The following CERS3 variants were observed in gnomAD, a reference collection of about 807,000 sequenced individuals.
CERS3 encodes the protein ceramide synthase 3, also known as LAG1 homolog, ceramide synthase 3.
CERS3 carries 33 observed loss-of-function variants against 50.3 expected under a neutral mutation model. The ratio of observed to expected loss-of-function variants is 0.66; its 90% confidence interval spans 0.50 to 0.88. The LOEUF (loss-of-function observed/expected upper bound fraction) is 0.88. CERS3 is among the 40% of genes least tolerant of loss of function. The probability of loss-of-function intolerance (pLI) is 0.00; values close to 1 mark genes in which losing one functional copy is unlikely to be tolerated. For synonymous variants in CERS3, 176 were observed against 155.2 expected (o/e 1.13, Z -0.99); for missense variants, 470 against 460.3 (o/e 1.02, Z -0.19).
intron 5 of CERS3, among the ~76,000 whole-genome samples, chr15:100,480,567 C>T (rs2035266548): frequency 6.6e-6 from 1 of 152,062 alleles, no homozygotes; most frequent in South Asian, 2.1e-4. Flanking sequence ...AACCTGTAGA[C>T]TAAGAGACTG....
rs773142503 is a variant in CERS3 at position 100,509,462 on chromosome 15, A to G, written c.-1-7612T>C. Among the ~76,000 whole-genome samples, 33 of 152,368 alleles carry G rather than the reference A, an allele frequency of 2.2e-4. No individual in the cohort carries two copies. The Middle Eastern group carries it at 0.01, about 47-fold the overall frequency. Reference sequence around the variant, plus strand: ...ACATATCTCTCAGATAGAGGAGAGCAACAAGAAACTATCTCTACAGAACAG... The same window carrying G: ...ACATATCTCTCAGATAGAGGAGAGCGACAAGAAACTATCTCTACAGAACAG... On this transcript the variant is annotated intron_variant, in intron 2 of 11. Transcript: ENST00000679737.
chr15:100,479,203 A>AAATTT, intron 7 of CERS3, among the ~76,000 whole-genome samples: 1 of 152,284 alleles, frequency 6.6e-6, no homozygotes, highest in African/African-American at 2.4e-5. Flanking sequence ...AATAAATAGT[A>AAATTT]AGATGGTAGA....
chr15:100,431,931 C>T (rs914985431), intron 11 of CERS3, among the ~76,000 whole-genome samples: 2 of 152,160 alleles, frequency 1.3e-5, no homozygotes, highest in African/African-American at 2.4e-5. Context: ...ATCTTCTTTA[C>T]GGTGTGAGTA....
chr15:100,500,448 G>A (rs2035962564), intron 3 of CERS3: 1 of 152,184 alleles, frequency 6.6e-6, no homozygotes, highest in African/African-American at 2.4e-5. Context: ...GATGTTTCTG[G>A]CTCACAGTCC....
At chr15:100,506,364 G>A (rs999152822) in intron 2 of CERS3, among the ~76,000 whole-genome samples, 3 of 151,958 alleles carry the variant, frequency 2.0e-5, no homozygotes, top group Non-Finnish European at 2.9e-5. Flanking sequence ...TCAGCCATGA[G>A]AGAAATGGAA....
intron 10 of CERS3, among the ~76,000 whole-genome samples, chr15:100,465,259 C>T (rs2034675844): frequency 6.6e-6 from 1 of 152,054 alleles, no homozygotes; most frequent in Non-Finnish European, 1.5e-5. Context: ...TCCAATGATA[C>T]CTATGATCTG....
At chr15:100,519,175 C>G (rs139237145) in intron 2 of CERS3, among the ~76,000 whole-genome samples, 40 of 151,148 alleles carry the variant, frequency 2.6e-4, no homozygotes, top group Non-Finnish European at 5.0e-4. Flanking sequence ...AAAAAAAATC[C>G]GCCAAAAAAT....
chr15:100,451,693 C>T (rs2034176863), intron 11 of CERS3, among the ~76,000 whole-genome samples: 1 of 149,130 alleles, frequency 6.7e-6, no homozygotes, highest in Admixed American at 6.7e-5. Flanking sequence ...GGTGACAGAG[C>T]AAGACTCTGT....
chr15:100,417,916 C>A (rs573440355), intron 11 of CERS3, among the ~76,000 whole-genome samples: 5 of 152,054 alleles, frequency 3.3e-5, no homozygotes, highest in South Asian at 4.2e-4. Flanking sequence ...ACATCCACAC[C>A]GAAAACCCAT....
rs574486967 is a variant in CERS3, at chr15:100,400,673, A to C, written c.*2040T>G. 1 of 152,350 alleles carries C rather than the reference A, an allele frequency of 6.6e-6. No homozygotes were observed. The highest frequency in any genetic ancestry group is 2.4e-5 in the African/African-American group (1 of 41,580). The allele number at this position is 152,350 out of a possible 1,614,324, so 9.4% of individuals were successfully genotyped here. A position where few individuals can be genotyped will look rare whatever the true frequency, so the allele number is the denominator to read the frequency against. Reference sequence around the variant, plus strand: ...TCAAATAAGAAAAAAAACTGGAGATAGAGGTAAACAAATACTTTTCTACCT... The same window carrying C: ...TCAAATAAGAAAAAAAACTGGAGATCGAGGTAAACAAATACTTTTCTACCT... On this transcript the variant is annotated 3_prime_UTR_variant, in exon 12 of 12. Transcript: ENST00000679737.
In CERS3 at chr15:100,479,572, T is replaced by C. The variant is rs899426791; in HGVS notation, c.466-94A>G. 5 of 882,010 alleles carry C rather than the reference T, an allele frequency of 5.7e-6. No individual in the cohort carries two copies. In the Admixed American group the frequency reaches 9.6e-5, roughly 17 times the overall value. The allele number at this position is 882,010 out of a possible 1,614,324, so 54.6% of individuals were successfully genotyped here. On this transcript the variant is annotated intron_variant, in intron 6 of 11. Coordinates refer to ENST00000679737, the MANE Select transcript of CERS3 (RefSeq NM_001378789.1). The stretch of plus-strand genomic sequence containing the variant: ...GGCAGAAAACCTAAGCTCTTCCTTA[T>C]GTCATTTACAGCAGGCAAAGATGCA...
At chr15:100,501,932 C>T (rs2036016616) in intron 2 of CERS3, 82 bp from the exon 3 acceptor site, 5 of 1,419,644 alleles carry the variant, frequency 3.5e-6, no homozygotes, top group Non-Finnish European at 4.9e-6. Flanking sequence ...GCTCAAAATG[C>T]CAGATCCAGA....
At chr15:100,422,705 A>G (rs2032528967) in intron 11 of CERS3, among the ~76,000 whole-genome samples, 1 of 92,166 alleles carries the variant, frequency 1.1e-5, no homozygotes, top group Non-Finnish European at 2.2e-5. Context: ...ACAATGATAG[A>G]CTGGATTAAG....
At position 100,501,380 on chromosome 15, in the gene CERS3, C is replaced by T. The variant is rs369418241; in HGVS notation, c.173+297G>A. Among the ~76,000 whole-genome samples, 13 of 152,274 alleles carry T rather than the reference C, an allele frequency of 8.5e-5. 1 individual carries two copies. Among genetic ancestry groups the T allele is most frequent in the South Asian group, 2.1e-4 (1 of 4,828 alleles). ...TGGAAGAGTAGATGAACTGGGTTCC[C>T]GTATTGTCATTGATACCAATAAGCT... On this transcript the variant is annotated intron_variant, in intron 3 of 11. Coordinates refer to ENST00000679737, the MANE Select transcript of CERS3 (RefSeq NM_001378789.1).
intron 11 of CERS3, among the ~76,000 whole-genome samples, chr15:100,447,462 G>T (rs1034651266): frequency 5.3e-5 from 8 of 152,134 alleles, no homozygotes; most frequent in Non-Finnish European, 1.0e-4. Flanking sequence ...CCAAGTTGTA[G>T]TCCAACCACC....
At chr15:100,457,512 T>G (rs1463825715) in intron 10 of CERS3, among the ~76,000 whole-genome samples, 1 of 152,228 alleles carries the variant, frequency 6.6e-6, no homozygotes, top group Admixed American at 6.5e-5. Context: ...AATAGCATGC[T>G]CCTTCTTATT....
intron 11 of CERS3, among the ~76,000 whole-genome samples, chr15:100,409,454 A>AT (rs5814962): frequency 1.3e-5 from 2 of 151,808 alleles, no homozygotes; most frequent in African/African-American, 4.8e-5. Flanking sequence ...GCTTAAAAAA[A>AT]GTGCAGCCCA....
At chr15:100,427,411 AT>A (rs1413212319) in intron 11 of CERS3, among the ~76,000 whole-genome samples, 1 of 152,210 alleles carries the variant, frequency 6.6e-6, no homozygotes, top group Non-Finnish European at 1.5e-5. Flanking sequence ...TAACATTATC[AT>A]CTATTGGCCC....
chr15:100,429,620 G>A (rs2033010333), intron 11 of CERS3, among the ~76,000 whole-genome samples: 1 of 152,148 alleles, frequency 6.6e-6, no homozygotes, highest in Non-Finnish European at 1.5e-5. Context: ...AAAGAAGTCT[G>A]TGTACTCCCT....
Sources: allele counts gnomAD v4.1 joint callset (sites outside exome capture counted in the v4.1 genomes callset), GRCh38; gene constraint gnomAD v4.1.1; transcripts MANE v1.5; gene names NCBI Gene and HGNC (gene_info 2026-07-23, HGNC 2026-07-21).